SPIDR: variants seen among roughly 807,000 people sequenced by gnomAD.
SPIDR encodes the protein DNA repair-scaffolding protein.
In SPIDR, 93 loss-of-function variants were observed where a neutral mutation model predicts 104.6. That is an observed-to-expected ratio of 0.89 (90% confidence interval 0.75 to 1.06). The LOEUF (loss-of-function observed/expected upper bound fraction) is 1.06. Ranked by LOEUF, SPIDR falls within the 50% of genes least tolerant of loss-of-function variation. The pLI is 0.00. For missense variants in SPIDR, 1,154 were observed against 1,111.2 expected, an observed-to-expected ratio of 1.04 and a Z score of -0.55; for synonymous variants, 431 against 416.9, an observed-to-expected ratio of 1.03 and a Z score of -0.41.
rs2040387314 is a variant in SPIDR at position 47,293,959 on chromosome 8, A to G, written c.454A>G (p.Ile152Val). 5.0e-6 allele frequency: 8 copies of G among 1,614,050 alleles called. No homozygotes were observed. Among genetic ancestry groups the G allele is most frequent in the Non-Finnish European group, 4.2e-6 (5 of 1,180,036 alleles). The change falls in exon 5 of 20, where the codon ATC becomes GTC. Residue 152 changes from isoleucine (I) to valine (V), a missense_variant. Coordinates refer to ENST00000297423, the MANE Select transcript of SPIDR (RefSeq NM_001080394.4). ...EFEDDEGAVE[I>V]SDCASCASNQ... The stretch of plus-strand genomic sequence containing the variant: ...TGAAGATGACGAGGGTGCTGTGGAA[A>G]TCTCAGACTGTGCTTCTTGTGCAAG...
chr8:47,488,422 T>C (rs782120600), intron 8 of SPIDR, among the ~76,000 whole-genome samples: 2 of 152,112 alleles, frequency 1.3e-5, no homozygotes, highest in Non-Finnish European at 2.9e-5. Flanking sequence ...CTACCAGAGG[T>C]ACAAGGAGGA....
At chr8:47,628,058 C>T (rs901308469) in intron 10 of SPIDR, among the ~76,000 whole-genome samples, 1 of 152,144 alleles carries the variant, frequency 6.6e-6, no homozygotes, top group Admixed American at 6.5e-5. Context: ...AGAATGGCTT[C>T]CTTAAAATGC....
At chr8:47,668,491 T>A (rs1225707500) in intron 10 of SPIDR, among the ~76,000 whole-genome samples, 1 of 151,710 alleles carries the variant, frequency 6.6e-6, no homozygotes, top group Non-Finnish European at 1.5e-5. Context: ...AAAAATTCCT[T>A]GACAAACTAG....
At chr8:47,625,207 C>T (rs563666073) in intron 10 of SPIDR, among the ~76,000 whole-genome samples, 13 of 152,282 alleles carry the variant, frequency 8.5e-5, no homozygotes, top group African/African-American at 2.6e-4. Flanking sequence ...TAAAAACTCT[C>T]AATAAATTAG....
At chr8:47,362,248 A>G (rs560696243) in intron 5 of SPIDR, among the ~76,000 whole-genome samples, 2 of 152,308 alleles carry the variant, frequency 1.3e-5, no homozygotes, top group South Asian at 4.1e-4. Flanking sequence ...ACTGCCTTTT[A>G]TAGTGCTGAC....
intron 8 of SPIDR, among the ~76,000 whole-genome samples, chr8:47,487,223 G>C (rs1290645574): frequency 2.0e-5 from 3 of 152,126 alleles, no homozygotes; most frequent in African/African-American, 7.2e-5. Flanking sequence ...TCATGAAACA[G>C]ACTTTAAACC....
chr8:47,467,619 T>A (rs1554718394), intron 8 of SPIDR, among the ~76,000 whole-genome samples: 1 of 152,182 alleles, frequency 6.6e-6, no homozygotes, highest in Non-Finnish European at 1.5e-5. Context: ...ACCACATGAT[T>A]ATCTCAATAG....
intron 5 of SPIDR, among the ~76,000 whole-genome samples, chr8:47,315,958 G>T (rs1236442950): frequency 6.6e-6 from 1 of 152,118 alleles, no homozygotes; most frequent in African/African-American, 2.4e-5. Context: ...ACAGAAAGCA[G>T]CAACTGTTTT....
intron 8 of SPIDR, chr8:47,511,707 T>A (rs1432171071): frequency 9.5e-7 from 1 of 1,057,792 alleles, no homozygotes; most frequent in African/African-American, 1.5e-5. Context: ...ATGGTCTTGG[T>A]GTACTGGTCT....
chr8:47,348,014 C>T (rs1404009800), intron 5 of SPIDR, among the ~76,000 whole-genome samples: 2 of 152,058 alleles, frequency 1.3e-5, no homozygotes, highest in African/African-American at 2.4e-5. Flanking sequence ...TTATTTTGCT[C>T]GTTATTTGAT....
At chr8:47,517,048 G>A (rs999053234) in intron 8 of SPIDR, among the ~76,000 whole-genome samples, 4 of 152,002 alleles carry the variant, frequency 2.6e-5, no homozygotes, top group Admixed American at 6.5e-5. Flanking sequence ...ACAGTGGCAC[G>A]ATCTCGGCTC....
At chr8:47,571,876 C>T (rs752372745) in intron 8 of SPIDR, among the ~76,000 whole-genome samples, 3 of 152,106 alleles carry the variant, frequency 2.0e-5, no homozygotes, top group African/African-American at 7.2e-5. Flanking sequence ...CACCTATTTT[C>T]GTACCTTGGT....
intron 5 of SPIDR, among the ~76,000 whole-genome samples, chr8:47,342,596 C>T (rs1200140396): frequency 5.9e-5 from 9 of 152,036 alleles, no homozygotes; most frequent in South Asian, 2.1e-4. Context: ...CTCGTCCTCC[C>T]GAAGTTCTGG....
intron 4 of SPIDR, among the ~76,000 whole-genome samples, chr8:47,291,352 A>G (rs1415474712): frequency 2.0e-5 from 3 of 152,330 alleles, no homozygotes; most frequent in East Asian, 3.9e-4. Flanking sequence ...GTGACAGTAC[A>G]AAATGCTGGT....
intron 16 of SPIDR, among the ~76,000 whole-genome samples, chr8:47,714,030 C>T (rs2082232601): frequency 6.6e-6 from 1 of 152,034 alleles, no homozygotes; most frequent in South Asian, 2.1e-4. Flanking sequence ...TTCGTAAGGC[C>T]ACTGGCATGA....
chr8:47,700,216 A>T (rs559548842), intron 11 of SPIDR, among the ~76,000 whole-genome samples, 187 bp from the exon 12 acceptor site: 1 of 152,260 alleles, frequency 6.6e-6, no homozygotes, highest in South Asian at 2.1e-4. Context: ...CCTGTTGTGC[A>T]GTTGGTTTCC....
At chr8:47,268,091 G>T (rs2154212252) in intron 1 of SPIDR, among the ~76,000 whole-genome samples, 1 of 152,242 alleles carries the variant, frequency 6.6e-6, no homozygotes, top group Non-Finnish European at 1.5e-5. Flanking sequence ...TGAAAAAATT[G>T]TTCTTTCTCC....
chr8:47,284,212 A>C lies in SPIDR; in HGVS notation c.256+118A>C, dbSNP rs2038364513. On this transcript the variant is annotated intron_variant, in intron 3 of 19. Transcript: ENST00000297423. ...CATGGTTTGGGTAGACTATATTCAT[A>C]GTTAAAAAACATCAAGATAAGGTAA... The C allele has an allele frequency of 5.7e-6, 4 of 704,020 alleles. No homozygotes were observed. In the South Asian group the frequency reaches 1.0e-4, roughly 18 times the overall value. The allele number at this position is 704,020 out of a possible 1,614,324, so 43.6% of individuals were successfully genotyped here. A position where few individuals can be genotyped will look rare whatever the true frequency, so the allele number is the denominator to read the frequency against.
At chr8:47,421,545 A>G (rs146616582) in intron 7 of SPIDR, among the ~76,000 whole-genome samples, 4,503 of 152,074 alleles carry the variant, frequency 0.03, 98 homozygotes, top group Non-Finnish European at 0.047. Context: ...CTTCTTTGCC[A>G]TGGGTTTGAA....
Sources: allele counts gnomAD v4.1 joint callset (sites outside exome capture counted in the v4.1 genomes callset), GRCh38; gene constraint gnomAD v4.1.1; transcripts MANE v1.5; gene names NCBI Gene and HGNC (gene_info 2026-07-23, HGNC 2026-07-21).